MYO1D: variants seen among roughly 807,000 people sequenced by gnomAD.
MYO1D encodes myosin ID.
In MYO1D, 83 loss-of-function variants were observed where a neutral mutation model predicts 122.0. The ratio of observed to expected loss-of-function variants is 0.68; its 90% CI spans 0.57 to 0.82. The LOEUF is 0.82. MYO1D is among the 40% of genes least tolerant of loss of function. The pLI is 0.00. For missense variants in MYO1D, 1,157 were observed against 1,269.5 expected (o/e 0.91, Z 1.35); for synonymous variants, 464 against 446.9 (o/e 1.04, Z -0.48).
intron 16 of MYO1D, among the ~76,000 whole-genome samples, chr17:32,679,726 T>C (rs2088879584): frequency 1.3e-5 from 2 of 152,184 alleles, no homozygotes; most frequent in South Asian, 4.1e-4. Flanking sequence ...TGGCTTAGGA[T>C]TGACTTGGCA....
At chr17:32,561,089 T>A (rs569703970) in intron 21 of MYO1D, among the ~76,000 whole-genome samples, 1 of 151,924 alleles carries the variant, frequency 6.6e-6, no homozygotes, top group Non-Finnish European at 1.5e-5. Flanking sequence ...TTTTTGTATT[T>A]TTAGTAGAGA....
chr17:32,872,759 C>T (rs552774148), intron 1 of MYO1D, among the ~76,000 whole-genome samples: 2 of 150,520 alleles, frequency 1.3e-5, no homozygotes, highest in East Asian at 3.9e-4. Flanking sequence ...TGCAGTGGCG[C>T]AATCTCGGCT....
chr17:32,576,725 A>G (rs1268808635), intron 21 of MYO1D, among the ~76,000 whole-genome samples: 1 of 152,210 alleles, frequency 6.6e-6, no homozygotes, highest in African/African-American at 2.4e-5. Context: ...GCATGATCAT[A>G]GCTCCCGGCA....
intron 19 of MYO1D, among the ~76,000 whole-genome samples, chr17:32,640,150 C>T (rs1244107417): frequency 6.6e-6 from 1 of 151,972 alleles, no homozygotes; most frequent in Non-Finnish European, 1.5e-5. Context: ...TTCAACTTGA[C>T]AAAAATGGTG....
chr17:32,871,379 T>C (rs1375659870), intron 1 of MYO1D, among the ~76,000 whole-genome samples: 4 of 152,030 alleles, frequency 2.6e-5, no homozygotes, highest in Non-Finnish European at 4.4e-5. Context: ...AAAATGTCAA[T>C]AGTGACAAGG....
Position 32,543,181 on chromosome 17 carries a change from A to G in MYO1D, c.2865-48266T>C, listed in dbSNP as rs1314399466. On this transcript the variant is annotated intron_variant, in intron 21 of 21. Coordinates refer to ENST00000318217, the MANE Select transcript of MYO1D (RefSeq NM_015194.3). ...GCGGAGCTTGCAGTGAGCCAAGATCATGCCACTGCACTCCAGCCTGGGCGA... is the reference window on the plus strand; with the variant it reads ...GCGGAGCTTGCAGTGAGCCAAGATCGTGCCACTGCACTCCAGCCTGGGCGA... Among the ~76,000 whole-genome samples the G allele has an allele frequency of 2.0e-5, 3 of 151,352 alleles. No homozygotes were observed. In the East Asian group the frequency reaches 5.8e-4, roughly 29 times the overall value.
At chr17:32,572,064 TCTC>T (rs1425309325) in intron 21 of MYO1D, among the ~76,000 whole-genome samples, 1 of 152,102 alleles carries the variant, frequency 6.6e-6, no homozygotes, top group Non-Finnish European at 1.5e-5. Context: ...TAACCCCTGC[TCTC>T]CTCCTCATCT....
At chr17:32,508,625 C>G (rs1292161385) in intron 21 of MYO1D, among the ~76,000 whole-genome samples, 2 of 152,190 alleles carry the variant, frequency 1.3e-5, no homozygotes, top group Non-Finnish European at 2.9e-5. Flanking sequence ...GACAAATAGT[C>G]AAACAGTATA....
chr17:32,838,864 A>G (rs2090851898), intron 1 of MYO1D, among the ~76,000 whole-genome samples: 1 of 152,206 alleles, frequency 6.6e-6, no homozygotes, highest in Admixed American at 6.5e-5. Context: ...TCACATATTT[A>G]GTTTCCACAT....
At chr17:32,523,843 G>A (rs955996014) in intron 21 of MYO1D, among the ~76,000 whole-genome samples, 1 of 151,822 alleles carries the variant, frequency 6.6e-6, no homozygotes, top group Non-Finnish European at 1.5e-5. Flanking sequence ...GAGTGGTCGG[G>A]GCAAATCCCA....
intron 13 of MYO1D, among the ~76,000 whole-genome samples, chr17:32,743,914 A>T (rs1455592592): frequency 6.6e-6 from 1 of 151,140 alleles, no homozygotes; most frequent in Non-Finnish European, 1.5e-5. Flanking sequence ...CACTGCGACC[A>T]GCCTCAGCCT....
chr17:32,494,525 G>C lies in MYO1D; in HGVS notation c.*234C>G. 3 of 567,018 alleles carry C rather than the reference G, an allele frequency of 5.3e-6. No individual in the cohort carries two copies. The highest frequency in any genetic ancestry group is 9.2e-6 in the Non-Finnish European group (3 of 324,546). The allele number at this position is 567,018 out of a possible 1,614,324, so 35.1% of individuals were successfully genotyped here. A position where few individuals can be genotyped will look rare whatever the true frequency, so the allele number is the denominator to read the frequency against. On this transcript the variant is annotated 3_prime_UTR_variant, in exon 22 of 22. Coordinates refer to ENST00000318217, the MANE Select transcript of MYO1D (RefSeq NM_015194.3). Reference sequence around the variant, plus strand: ...GATTGGTCTGGACGTCAGCCCAGGGGTCTGGGCGGGGCACCAGGGTCTTTG... The same window carrying C: ...GATTGGTCTGGACGTCAGCCCAGGGCTCTGGGCGGGGCACCAGGGTCTTTG...
intron 21 of MYO1D, among the ~76,000 whole-genome samples, chr17:32,516,973 C>A (rs1412230100): frequency 6.6e-6 from 1 of 152,076 alleles, no homozygotes; most frequent in Admixed American, 6.6e-5. Context: ...AACAATGGCA[C>A]AACAAATTAG....
intron 21 of MYO1D, among the ~76,000 whole-genome samples, chr17:32,586,309 T>C (rs1012594955): frequency 6.6e-6 from 1 of 152,236 alleles, no homozygotes; most frequent in African/African-American, 2.4e-5. Flanking sequence ...GTTTCTCATC[T>C]CCACTCTAGT....
intron 16 of MYO1D, among the ~76,000 whole-genome samples, chr17:32,681,029 T>A (rs1314180250): frequency 6.6e-6 from 1 of 152,184 alleles, no homozygotes; most frequent in African/African-American, 2.4e-5. Flanking sequence ...ATTTTCTAGT[T>A]TATTTGTGTA....
intron 21 of MYO1D, among the ~76,000 whole-genome samples, chr17:32,592,693 G>A (rs1431973985): frequency 7.9e-6 from 1 of 126,308 alleles, no homozygotes. Context: ...GGAACTGTGA[G>A]AAAACAATCT....
At chr17:32,501,448 T>G (rs1274159543) in intron 21 of MYO1D, among the ~76,000 whole-genome samples, 1 of 152,228 alleles carries the variant, frequency 6.6e-6, no homozygotes, top group Non-Finnish European at 1.5e-5. Flanking sequence ...GAGGAAGGAA[T>G]GCTGCACAGA....
At chr17:32,708,020 GC>G (rs2089329758) in intron 16 of MYO1D, among the ~76,000 whole-genome samples, 1 of 152,114 alleles carries the variant, frequency 6.6e-6, no homozygotes, top group Non-Finnish European at 1.5e-5. Flanking sequence ...TGCTGATTTT[GC>G]TTTGATCCTC....
At chr17:32,496,688 C>T (rs960883902) in intron 21 of MYO1D, among the ~76,000 whole-genome samples, 3 of 152,000 alleles carry the variant, frequency 2.0e-5, no homozygotes, top group Admixed American at 2.0e-4. Flanking sequence ...CGTTGGGTCC[C>T]TCTCACTGGA....
Sources: allele counts gnomAD v4.1 joint callset (sites outside exome capture counted in the v4.1 genomes callset), GRCh38; gene constraint gnomAD v4.1.1; transcripts MANE v1.5; gene names NCBI Gene and HGNC (gene_info 2026-07-23, HGNC 2026-07-21).